FRAS1: variants seen among roughly 807,000 people sequenced by gnomAD.
The protein encoded by FRAS1 is Fraser extracellular matrix complex subunit 1.
A neutral mutation model predicts 435.2 loss-of-function variants in FRAS1; 290 were observed. The observed-to-expected ratio is 0.67, with a 90% confidence interval of 0.61 to 0.73. The LOEUF (loss-of-function observed/expected upper bound fraction) is 0.73, where lower values mean the gene tolerates loss of function less well. Ranked by LOEUF, FRAS1 falls within the 30% of genes least tolerant of loss-of-function variation. The pLI, the probability that FRAS1 is intolerant of heterozygous loss-of-function variation, is 0.00. For synonymous variants in FRAS1, 1,800 were observed against 1,851.0 expected, an observed-to-expected ratio of 0.97 and a Z score of 0.71; for missense variants, 4,860 against 5,001.5, an observed-to-expected ratio of 0.97 and a Z score of 0.85.
At chr4:78,533,659 A>T (rs955084017) in intron 70 of FRAS1, among the ~76,000 whole-genome samples, 2 of 152,196 alleles carry the variant, frequency 1.3e-5, no homozygotes, top group Non-Finnish European at 1.5e-5. Context: ...AGGTGCTGGC[A>T]CCTCTTTTTT....
intron 2 of FRAS1, 145 bp from the exon 3 acceptor site, chr4:78,237,365 T>C (rs1724804146): frequency 5.3e-6 from 3 of 563,382 alleles, no homozygotes; most frequent in Non-Finnish European, 9.6e-6. Context: ...GTTTAATCAG[T>C]GCCCAGCAAG....
At chr4:78,323,660 T>C (rs1386539198) in intron 18 of FRAS1, among the ~76,000 whole-genome samples, 2 of 152,066 alleles carry the variant, frequency 1.3e-5, no homozygotes, top group African/African-American at 4.8e-5. Context: ...TGTGCCTGGC[T>C]CCTCCCGGAG....
intron 50 of FRAS1, among the ~76,000 whole-genome samples, chr4:78,468,560 C>CTTGAGG (rs1297305231): frequency 6.6e-6 from 1 of 152,012 alleles, no homozygotes; most frequent in Non-Finnish European, 1.5e-5. Context: ...ATGCTTTTCT[C>CTTGAGG]TTGAGGTTGT....
In FRAS1 at chr4:78,424,376, T is replaced by G. The variant is rs1315712488; in HGVS notation, c.4679-12T>G. 6.9e-7 allele frequency: 1 copy of G among 1,450,764 alleles called. No individual in the cohort carries two copies. The highest frequency in any genetic ancestry group is 1.4e-5 in the South Asian group (1 of 71,510). 89.9% of individuals were successfully genotyped at this position (1,450,764 alleles called of 1,614,324 possible). ...GTGTTTAATATACTGATTGTCTCTC[T>G]TACTCTTTTAGGTCTCCCAGAATCA... is the stretch of plus-strand genomic sequence containing the variant. On this transcript the variant is annotated splice_polypyrimidine_tract_variant and intron_variant, in intron 34 of 73. Transcript: ENST00000512123.
chr4:78,112,289 A>C (rs1045410613), intron 2 of FRAS1, among the ~76,000 whole-genome samples: 1 of 152,184 alleles, frequency 6.6e-6, no homozygotes, highest in African/African-American at 2.4e-5. Flanking sequence ...CAACAAATAC[A>C]TATTGGGAAC....
At chr4:78,360,914 G>A (rs1345322156) in intron 20 of FRAS1, among the ~76,000 whole-genome samples, 4 of 152,110 alleles carry the variant, frequency 2.6e-5, no homozygotes, top group African/African-American at 9.7e-5. Context: ...ATTCTTTTAT[G>A]TTTCTCTAAT....
At chr4:78,446,581 A>G (rs954425497) in intron 42 of FRAS1, 146 bp from the exon 43 acceptor site, 26 of 1,394,402 alleles carry the variant, frequency 1.9e-5, no homozygotes, top group Middle Eastern at 2.6e-4. Context: ...CAAACTAACT[A>G]TTTTGCTTGG....
rs1350992851 is a variant in FRAS1 at position 78,387,706 on chromosome 4, G to A, written c.3975+5G>A. On this transcript the variant is annotated splice_donor_5th_base_variant and intron_variant, in intron 29 of 73. Transcript: ENST00000512123. ...CAAGTGAAGACCGTGCCTCAGGTAG[G>A]TGTCATTCCTAGAGTTACAGTTTCT... The A allele has an allele frequency of 1.3e-6, 2 of 1,503,296 alleles. No individual in the cohort carries two copies. The highest frequency in any genetic ancestry group is 4.6e-5 in the East Asian group (2 of 43,662). The allele number at this position is 1,503,296 out of a possible 1,614,324, so 93.1% of individuals were successfully genotyped here. A position where few individuals can be genotyped will look rare whatever the true frequency, so the allele number is the denominator to read the frequency against.
At chr4:78,518,366 T>G (rs1205212602) in intron 66 of FRAS1, among the ~76,000 whole-genome samples, 1 of 149,386 alleles carries the variant, frequency 6.7e-6, no homozygotes, top group Non-Finnish European at 1.5e-5. Flanking sequence ...CATAGTATAT[T>G]ATAGTAATTA....
intron 28 of FRAS1, among the ~76,000 whole-genome samples, chr4:78,386,093 C>A (rs895459219): frequency 6.6e-6 from 1 of 152,110 alleles, no homozygotes; most frequent in Non-Finnish European, 1.5e-5. Flanking sequence ...ATGGTGAGTT[C>A]CCATGGTTCC....
At chr4:78,084,538 T>G (rs941654613) in intron 2 of FRAS1, among the ~76,000 whole-genome samples, 5 of 152,118 alleles carry the variant, frequency 3.3e-5, no homozygotes, top group African/African-American at 1.2e-4. Context: ...GGTCTATCAA[T>G]TAGTTGCTGG....
At position 78,448,275 on chromosome 4, in the gene FRAS1, C is replaced by T; in HGVS notation, c.6233C>T (p.Thr2078Ile). The change falls in exon 44 of 74, where the codon ACA (threonine) becomes ATA (isoleucine). Residue 2078 changes from threonine (T) to isoleucine (I), a missense_variant. Transcript: ENST00000512123. ...TACACAGAACTGCCTGCAAGTGACA[C>T]ACCTCACTTGGCTATAAACCAAGGC... ...KIYTELPASD[T>I]PHLAINQGLQ... is the part of the protein sequence containing the mutation. 1 of 1,612,088 alleles carries T rather than the reference C, an allele frequency of 6.2e-7. No individual in the cohort carries two copies.
chr4:78,347,402 A>G (rs1230629633), intron 20 of FRAS1, among the ~76,000 whole-genome samples: 1 of 152,190 alleles, frequency 6.6e-6, no homozygotes, highest in East Asian at 1.9e-4. Flanking sequence ...TTTCTTGAAT[A>G]TCAACTTTGG....
At chr4:78,491,328 A>G (rs994008561) in intron 59 of FRAS1, among the ~76,000 whole-genome samples, 3 of 152,182 alleles carry the variant, frequency 2.0e-5, no homozygotes, top group Non-Finnish European at 2.9e-5. Flanking sequence ...TCATCCTGAT[A>G]TTTAACTGTG....
At chr4:78,475,822 TGTCTAGCTTCTCA>T (rs1719837997) in intron 54 of FRAS1, among the ~76,000 whole-genome samples, 1 of 152,244 alleles carries the variant, frequency 6.6e-6, no homozygotes, top group Non-Finnish European at 1.5e-5. Flanking sequence ...GGGAAGTTGT[TGTCTAGCTTCTCA>T]GTCTTTACAT....
intron 2 of FRAS1, among the ~76,000 whole-genome samples, chr4:78,205,586 T>C (rs1434065076): frequency 6.6e-6 from 1 of 152,200 alleles, no homozygotes; most frequent in Non-Finnish European, 1.5e-5. Flanking sequence ...CTCTACCCAA[T>C]GTGTAATCTA....
chr4:78,271,535 A>G (rs866466452), intron 9 of FRAS1, among the ~76,000 whole-genome samples: 11 of 152,194 alleles, frequency 7.2e-5, no homozygotes, highest in African/African-American at 2.6e-4. Context: ...TCATTGTTCA[A>G]TTCCCACCTA....
At chr4:78,460,938 T>G (rs77129717) in intron 47 of FRAS1, among the ~76,000 whole-genome samples, 3,279 of 152,322 alleles carry the variant, frequency 0.022, 120 homozygotes, top group African/African-American at 0.075. Flanking sequence ...CTAAATTAAT[T>G]CACCAAATAT....
chr4:78,421,816 G>A (rs1335431681), intron 33 of FRAS1, 47 bp from the exon 34 acceptor site: 2 of 1,604,084 alleles, frequency 1.2e-6, no homozygotes, highest in East Asian at 2.2e-5. Context: ...CATTCAGTCA[G>A]TGATGAGAAT....
Sources: gnomAD v4.1 joint callset for allele counts (sites outside exome capture counted in the v4.1 genomes callset) on GRCh38, gnomAD v4.1.1 for gene constraint, MANE v1.5 for transcripts, NCBI Gene and HGNC (gene_info 2026-07-23, HGNC 2026-07-21) for gene names.